The following TNFAIP8 variants were observed in gnomAD, a reference collection of about 807,000 sequenced individuals.
TNFAIP8 encodes tumor necrosis factor alpha-induced protein 8.
In TNFAIP8, 7 loss-of-function variants were observed where a neutral mutation model predicts 13.3. The observed-to-expected ratio is 0.52, with a 90% CI of 0.30 to 0.99. The LOEUF (loss-of-function observed/expected upper bound fraction) is 0.99. TNFAIP8 is among the 50% of genes least tolerant of loss of function. TNFAIP8 has a pLI of 0.07. For synonymous variants in TNFAIP8, 94 were observed against 87.6 expected, an observed-to-expected ratio of 1.07 and a Z score of -0.41; for missense variants, 258 against 236.9, an observed-to-expected ratio of 1.09 and a Z score of -0.58.
intron 1 of TNFAIP8, among the ~76,000 whole-genome samples, chr5:119,301,573 C>A (rs1443772912): frequency 6.6e-5 from 10 of 152,210 alleles, no homozygotes; most frequent in Non-Finnish European, 1.5e-4. Context: ...ATTGGAGTCC[C>A]ATCTGTATCT....
At chr5:119,314,950 C>T (rs939619009) in intron 1 of TNFAIP8, among the ~76,000 whole-genome samples, 1 of 152,174 alleles carries the variant, frequency 6.6e-6, no homozygotes, top group Non-Finnish European at 1.5e-5. Flanking sequence ...GGCATGATTT[C>T]GGCTTACTGC....
chr5:119,373,524 G>A (rs1444434931), intron 1 of TNFAIP8, among the ~76,000 whole-genome samples: 3 of 152,166 alleles, frequency 2.0e-5, no homozygotes, highest in Non-Finnish European at 4.4e-5. Context: ...CTGCTGTTGA[G>A]TAGTTTTCAG....
chr5:119,285,276 T>A (rs1029708127), intron 1 of TNFAIP8, among the ~76,000 whole-genome samples: 11 of 152,148 alleles, frequency 7.2e-5, no homozygotes, highest in African/African-American at 2.7e-4. Flanking sequence ...TCATCTCTAA[T>A]CCCTCAGTGT....
At position 119,336,897 on chromosome 5, in the gene TNFAIP8, A is replaced by G. The variant is rs139073782; in HGVS notation, c.2-55919A>G. On this transcript the variant is annotated intron_variant, in intron 1 of 1. Coordinates refer to the TNFAIP8 transcript ENST00000274456. ...GCTTAACATGGACCATTTTGGCCCA[A>G]TACTCATTGTCTTCTTGTTTTACTT... 3.4e-3 allele frequency among the ~76,000 whole-genome samples: 512 copies of G among 152,324 alleles called. 2 individuals are homozygous for G. Among genetic ancestry groups the G allele is most frequent in the African/African-American group, 0.012 (498 of 41,556 alleles).
exon 1 of TNFAIP8, chr5:119,268,836 C>T: frequency 1.4e-6 from 1 of 703,086 alleles, no homozygotes; most frequent in East Asian, 2.7e-5. Context: ...ACCGAGAGAG[C>T]AGAGAACTCG....
At chr5:119,355,993 A>AT, upstream of TNFAIP8, 1 of 1,520,232 alleles carries the variant, frequency 6.6e-7, no homozygotes. Flanking sequence ...TCTTCCTTTT[A>AT]TTTTCCGTCG....
chr5:119,297,805 A>T (rs182569142), intron 1 of TNFAIP8, among the ~76,000 whole-genome samples: 1 of 152,190 alleles, frequency 6.6e-6, no homozygotes, highest in African/African-American at 2.4e-5. Context: ...TTGGGCACAT[A>T]TATATTTAGG....
At chr5:119,379,459 T>C (rs533586546) in intron 1 of TNFAIP8, among the ~76,000 whole-genome samples, 2 of 152,342 alleles carry the variant, frequency 1.3e-5, no homozygotes, top group African/African-American at 4.8e-5. Context: ...GGCATTTACA[T>C]TGAGCTTTAC....
intron 1 of TNFAIP8, among the ~76,000 whole-genome samples, chr5:119,390,706 T>C (rs1474572261): frequency 6.6e-6 from 1 of 152,224 alleles, no homozygotes; most frequent in African/African-American, 2.4e-5. Flanking sequence ...TGTATATTTA[T>C]AAATGATGTT....
chr5:119,357,132 C>T (rs1347964499), intron 1 of TNFAIP8, among the ~76,000 whole-genome samples: 1 of 152,174 alleles, frequency 6.6e-6, no homozygotes, highest in Non-Finnish European at 1.5e-5. Context: ...TGATTCCCCT[C>T]CCAGAGGAAA....
intron 1 of TNFAIP8, among the ~76,000 whole-genome samples, chr5:119,307,732 G>T (rs1427180095): frequency 6.6e-6 from 1 of 152,180 alleles, no homozygotes; most frequent in Non-Finnish European, 1.5e-5. Flanking sequence ...TGGTATTTTA[G>T]AATCATGGAA....
At chr5:119,331,543 C>A (rs1750380509) in intron 1 of TNFAIP8, among the ~76,000 whole-genome samples, 1 of 152,180 alleles carries the variant, frequency 6.6e-6, no homozygotes, top group East Asian at 1.9e-4. Context: ...CCAGGAGTTT[C>A]CTGCTGGGTG....
intron 1 of TNFAIP8, among the ~76,000 whole-genome samples, chr5:119,311,034 A>G (rs1749712964): frequency 6.6e-6 from 1 of 151,734 alleles, no homozygotes; most frequent in South Asian, 2.1e-4. Flanking sequence ...GTTTTGTTTT[A>G]TTTTTTGAGA....
At chr5:119,326,056 A>G (rs1750215462) in intron 1 of TNFAIP8, among the ~76,000 whole-genome samples, 1 of 152,120 alleles carries the variant, frequency 6.6e-6, no homozygotes, top group Admixed American at 6.5e-5. Context: ...CAGTTTTGTA[A>G]CACAGGCAAC....
At chr5:119,376,687 G>A (rs1752295133) in intron 1 of TNFAIP8, among the ~76,000 whole-genome samples, 1 of 151,374 alleles carries the variant, frequency 6.6e-6, no homozygotes, top group Admixed American at 6.6e-5. Context: ...CAATCACTAG[G>A]ATTTACTTTC....
intron 1 of TNFAIP8, among the ~76,000 whole-genome samples, chr5:119,304,871 A>G (rs1749504782): frequency 6.6e-6 from 1 of 152,252 alleles, no homozygotes; most frequent in Admixed American, 6.5e-5. Context: ...CTGTGTTTGA[A>G]GCTGCATTGT....
rs1580458648 is a variant in TNFAIP8, at chr5:119,398,133, A to G, written c.*4752A>G. ...TTGCATGAGATCTTTATAAGATTAG[A>G]CAGCCAGTGGATAAGGCCCCTTATC... On this transcript the variant is annotated 3_prime_UTR_variant, in exon 2 of 2. Coordinates refer to ENST00000504771, the MANE Select transcript of TNFAIP8 (RefSeq NM_014350.4). The G allele has an allele frequency of 6.6e-6, 1 of 152,224 alleles. No homozygotes were observed. Among genetic ancestry groups the G allele is most frequent in the African/African-American group, 2.4e-5 (1 of 41,468 alleles). The allele number at this position is 152,224 out of a possible 1,614,324, so 9.4% of individuals were successfully genotyped here.
chr5:119,345,123 T>C (rs973179116), intron 1 of TNFAIP8, among the ~76,000 whole-genome samples: 27 of 152,226 alleles, frequency 1.8e-4, no homozygotes, highest in African/African-American at 5.1e-4. Context: ...TTGATAACTT[T>C]GTAGTTGTAC....
chr5:119,281,213 T>C (rs988657893), intron 1 of TNFAIP8, among the ~76,000 whole-genome samples: 1 of 151,762 alleles, frequency 6.6e-6, no homozygotes, highest in Non-Finnish European at 1.5e-5. Context: ...GTCCAGACGC[T>C]GGGAATCCTC....
Sources: allele counts gnomAD v4.1 joint callset (sites outside exome capture counted in the v4.1 genomes callset), GRCh38; gene constraint gnomAD v4.1.1; transcripts MANE v1.5; gene names NCBI Gene and HGNC (gene_info 2026-07-23, HGNC 2026-07-21).